GPC5: variants seen among roughly 807,000 people sequenced by gnomAD.
GPC5 encodes the protein glypican-5.
A neutral mutation model predicts 53.9 loss-of-function variants in GPC5; 47 were observed. That is an observed-to-expected ratio of 0.87 (90% confidence interval 0.69 to 1.11). GPC5 has a LOEUF of 1.11. Ranked by LOEUF, GPC5 falls within the 50% of genes most tolerant of loss-of-function variation. The pLI is 0.00. For synonymous variants in GPC5, 286 were observed against 263.3 expected (o/e 1.09, Z -0.84); for missense variants, 748 against 713.1 (o/e 1.05, Z -0.56).
At chr13:91,460,762 CT>C (rs66535258) in intron 2 of GPC5, among the ~76,000 whole-genome samples, 7,091 of 148,266 alleles carry the variant, frequency 0.048, 320 homozygotes, top group African/African-American at 0.12. Flanking sequence ...AATATTTCAG[CT>C]TTTTTTTTTC....
At chr13:92,159,467 G>A (rs960999083) in intron 7 of GPC5, among the ~76,000 whole-genome samples, 1 of 152,032 alleles carries the variant, frequency 6.6e-6, no homozygotes, top group African/African-American at 2.4e-5. Flanking sequence ...CCTTGGAAGG[G>A]CAACATTCCC....
chr13:92,512,523 T>TCAAATGTATGAACA (rs3064769), intron 7 of GPC5, among the ~76,000 whole-genome samples: 1 of 151,886 alleles, frequency 6.6e-6, no homozygotes, highest in Non-Finnish European at 1.5e-5. Context: ...AAATGCTTCA[T>TCAAATGTATGAACA]CTGTAGGCTT....
chr13:91,544,932 T>C (rs2030190021), intron 2 of GPC5, among the ~76,000 whole-genome samples: 1 of 152,148 alleles, frequency 6.6e-6, no homozygotes, highest in South Asian at 2.1e-4. Context: ...CATGTGGTTG[T>C]TGACTGGCAA....
chr13:92,395,797 C>T (rs997874576), intron 7 of GPC5, among the ~76,000 whole-genome samples: 19 of 151,820 alleles, frequency 1.3e-4, no homozygotes, highest in Non-Finnish European at 5.9e-5. Flanking sequence ...CTGTTTTTCT[C>T]ATCCTTGCTG....
chr13:92,823,250 C>A (rs529074469), intron 7 of GPC5, among the ~76,000 whole-genome samples: 1 of 152,244 alleles, frequency 6.6e-6, no homozygotes, highest in Admixed American at 6.5e-5. Context: ...CCCTATCAGA[C>A]AGCTGTGCAA....
intron 2 of GPC5, among the ~76,000 whole-genome samples, chr13:91,626,552 C>T (rs1256472435): frequency 1.3e-5 from 2 of 152,080 alleles, no homozygotes; most frequent in African/African-American, 4.8e-5. Flanking sequence ...CTTCTGAAGT[C>T]CTGCCTTTGC....
chr13:92,501,207 T>C (rs1880171228), intron 7 of GPC5, among the ~76,000 whole-genome samples: 1 of 151,964 alleles, frequency 6.6e-6, no homozygotes, highest in Non-Finnish European at 1.5e-5. Flanking sequence ...TAATAAAATA[T>C]TCCAACAAAT....
intron 7 of GPC5, among the ~76,000 whole-genome samples, chr13:92,766,692 A>T (rs1425993900): frequency 6.6e-6 from 1 of 152,254 alleles, no homozygotes; most frequent in Non-Finnish European, 1.5e-5. Context: ...CTAGAAACAG[A>T]TATCTTTTCT....
intron 6 of GPC5, among the ~76,000 whole-genome samples, chr13:91,920,533 C>A (rs2039700871): frequency 6.6e-6 from 1 of 152,166 alleles, no homozygotes; most frequent in African/African-American, 2.4e-5. Flanking sequence ...CCTACTGAAT[C>A]CACAGTGACC....
chr13:92,380,925 GA>G (rs200563036), intron 7 of GPC5, among the ~76,000 whole-genome samples: 6,047 of 147,842 alleles, frequency 0.041, 190 homozygotes, highest in East Asian at 0.15. Context: ...AGAAAAAAAA[GA>G]AAAAAAAAAG....
chr13:92,484,491 C>T (rs558305523), intron 7 of GPC5: 2 of 152,216 alleles, frequency 1.3e-5, no homozygotes, highest in African/African-American at 4.8e-5. Flanking sequence ...ATATGACTGG[C>T]AGCTCAGTAG....
chr13:91,855,716 C>T (rs1310012307), intron 5 of GPC5, among the ~76,000 whole-genome samples: 2 of 151,560 alleles, frequency 1.3e-5, no homozygotes, highest in African/African-American at 4.8e-5. Flanking sequence ...ATTCTGAAGA[C>T]ATCAATTCTG....
intron 2 of GPC5, among the ~76,000 whole-genome samples, chr13:91,511,194 A>T (rs1885213272): frequency 6.6e-6 from 1 of 152,166 alleles, no homozygotes; most frequent in Admixed American, 6.5e-5. Flanking sequence ...TACTTTAAAG[A>T]TGCCTTTCTA....
At chr13:92,052,664 T>C (rs956557522) in intron 6 of GPC5, among the ~76,000 whole-genome samples, 3 of 152,164 alleles carry the variant, frequency 2.0e-5, no homozygotes, top group Non-Finnish European at 4.4e-5. Flanking sequence ...GAGTGCTGAT[T>C]GGTGAGTTTT....
In GPC5 at chr13:92,845,098, C is replaced by A. The variant is rs1878567137; in HGVS notation, c.1562-21184C>A. ...CAGAAGAGCTTCTAATGTTATAACT[C>A]ACTCCTGATGAAGCTGAATACATTG... On this transcript the variant is annotated intron_variant, in intron 7 of 7. Transcript: ENST00000377067. 2.6e-5 allele frequency among the ~76,000 whole-genome samples: 4 copies of A among 151,868 alleles called. No homozygotes were observed. The South Asian group carries it at 8.3e-4, about 32-fold the overall frequency.
intron 2 of GPC5, among the ~76,000 whole-genome samples, chr13:91,455,693 A>C (rs1881492108): frequency 6.6e-6 from 1 of 152,172 alleles, no homozygotes; most frequent in Non-Finnish European, 1.5e-5. Context: ...CTCCCCACGA[A>C]GTTTCTGCAC....
At chr13:91,408,384 A>ATC (rs1239220431) in intron 1 of GPC5, among the ~76,000 whole-genome samples, 1 of 152,156 alleles carries the variant, frequency 6.6e-6, no homozygotes, top group African/African-American at 2.4e-5. Flanking sequence ...TGCAAATGAC[A>ATC]GCATTTCCTT....
chr13:92,136,626 A>T (rs1416227989), intron 6 of GPC5, among the ~76,000 whole-genome samples: 1 of 152,198 alleles, frequency 6.6e-6, no homozygotes, highest in African/African-American at 2.4e-5. Context: ...TGTGTAAATG[A>T]TCGTAAGAGG....
chr13:92,764,985 A>G (rs933070699), intron 7 of GPC5, among the ~76,000 whole-genome samples: 3 of 152,178 alleles, frequency 2.0e-5, no homozygotes, highest in Admixed American at 6.6e-5. Flanking sequence ...TGTGAAATAT[A>G]ATTGCAAAAA....
Sources: gnomAD v4.1 joint callset for allele counts (sites outside exome capture counted in the v4.1 genomes callset) on GRCh38, gnomAD v4.1.1 for gene constraint, MANE v1.5 for transcripts, NCBI Gene and HGNC (gene_info 2026-07-23, HGNC 2026-07-21) for gene names.